Variants in ZNF362 observed in about 807,000 individuals in gnomAD.
The protein encoded by ZNF362 is rotund homolog.
Under a neutral mutation model 42.9 loss-of-function variants are expected in ZNF362, and 11 were observed. The observed-to-expected ratio is 0.26, with a 90% CI of 0.16 to 0.42. ZNF362 has a LOEUF of 0.42. Ranked by LOEUF, ZNF362 falls within the 20% of genes least tolerant of loss-of-function variation. The probability of loss-of-function intolerance (pLI) is 1.00; values close to 1 mark genes in which losing one functional copy is unlikely to be tolerated. For missense variants in ZNF362, 362 were observed against 576.2 expected, an observed-to-expected ratio of 0.63 and a Z score of 3.81; for synonymous variants, 255 against 257.3, an observed-to-expected ratio of 0.99 and a Z score of 0.09.
chr1:33,254,199 T>A (rs1390456350), upstream of ZNF362, among the ~76,000 whole-genome samples: 2 of 151,998 alleles, frequency 1.3e-5, no homozygotes, highest in African/African-American at 2.4e-5. Flanking sequence ...CAATCTCGGC[T>A]CACTGCAACT....
chr1:33,165,424 T>G, the ZNF362 span: 1 of 1,413,196 alleles, frequency 7.1e-7, no homozygotes, highest in Non-Finnish European at 9.7e-7. The surrounding 1 kb of genome is among the most constrained non-coding windows in gnomAD (Gnocchi z 4.0). Flanking sequence ...CTCGAAGCCC[T>G]GCCCTCATCT....
At chr1:33,165,698 G>T in the ZNF362 span, 1 of 668,360 alleles carries the variant, frequency 1.5e-6, no homozygotes, top group Non-Finnish European at 2.4e-6. The surrounding 1 kb of genome is among the most constrained non-coding windows in gnomAD (Gnocchi z 4.0). Context: ...TCCCGTCACA[G>T]TTCAACCACC....
chr1:33,247,993 G>A, the ZNF362 span, among the ~76,000 whole-genome samples: 3 of 152,238 alleles, frequency 2.0e-5, no homozygotes, highest in South Asian at 6.2e-4. Flanking sequence ...TATAGCAAAT[G>A]CTTGCTAATT....
the ZNF362 span, among the ~76,000 whole-genome samples, chr1:33,220,319 AT>A: frequency 2.6e-5 from 4 of 152,106 alleles, no homozygotes; most frequent in Non-Finnish European, 5.9e-5. Flanking sequence ...CTGTTTGTAG[AT>A]TGCTTACCAT....
chr1:33,139,126 T>C, the ZNF362 span, among the ~76,000 whole-genome samples: 1 of 152,178 alleles, frequency 6.6e-6, no homozygotes, highest in Admixed American at 6.5e-5. Context: ...TGTTATAATT[T>C]GTTAAAAAAG....
intron 8 of ZNF362, among the ~76,000 whole-genome samples, chr1:33,298,075 C>G (rs1646138211): frequency 6.6e-6 from 1 of 152,172 alleles, no homozygotes; most frequent in African/African-American, 2.4e-5. Flanking sequence ...GGAGTACCGC[C>G]TCTGCTTCTG....
the ZNF362 span, among the ~76,000 whole-genome samples, chr1:33,232,378 C>T: frequency 1.3e-5 from 2 of 152,118 alleles, no homozygotes; most frequent in African/African-American, 4.8e-5. Context: ...GATTCTCCTG[C>T]CTCAGCCACC....
At chr1:33,282,557 C>A (rs945562216) in intron 6 of ZNF362, among the ~76,000 whole-genome samples, 5 of 152,160 alleles carry the variant, frequency 3.3e-5, no homozygotes, top group Admixed American at 6.5e-5. Flanking sequence ...TGCGGTGGCT[C>A]ACACCTGTAA....
the ZNF362 span, chr1:33,145,947 T>G: frequency 2.1e-6 from 1 of 470,748 alleles, no homozygotes; most frequent in Non-Finnish European, 4.4e-6. Context: ...TGTAAAAATT[T>G]AGATTTGGGA....
chr1:33,258,599 G>A (rs1276536948), intron 1 of ZNF362, among the ~76,000 whole-genome samples: 1 of 152,074 alleles, frequency 6.6e-6, no homozygotes, highest in East Asian at 1.9e-4. Flanking sequence ...CTGAGACCGG[G>A]ACCTGGGTGT....
At chr1:33,201,340 A>G in the ZNF362 span, among the ~76,000 whole-genome samples, 12 of 152,238 alleles carry the variant, frequency 7.9e-5, no homozygotes, top group Admixed American at 5.2e-4. Context: ...CAAAGTACAC[A>G]TTAATTTCAG....
chr1:33,202,572 T>A, the ZNF362 span, among the ~76,000 whole-genome samples: 4 of 142,530 alleles, frequency 2.8e-5, no homozygotes, highest in Non-Finnish European at 1.5e-5. Flanking sequence ...CACTCCAGCC[T>A]GGGTGACAGA....
the ZNF362 span, among the ~76,000 whole-genome samples, chr1:33,179,553 A>G: frequency 6.6e-6 from 1 of 152,176 alleles, no homozygotes; most frequent in Non-Finnish European, 1.5e-5. Context: ...TTTGAGCCAA[A>G]AACCTTCTGC....
the ZNF362 span, among the ~76,000 whole-genome samples, chr1:33,133,770 C>T: frequency 0.021 from 3,166 of 152,298 alleles, 93 homozygotes; most frequent in African/African-American, 0.072. Context: ...TCCCACGACA[C>T]GGAGGAGGCA....
At chr1:33,199,191 C>T in the ZNF362 span, among the ~76,000 whole-genome samples, 1 of 151,962 alleles carries the variant, frequency 6.6e-6, no homozygotes. Flanking sequence ...AACCTAAACA[C>T]AAGAAACATA....
At chr1:33,206,802 C>T in the ZNF362 span, among the ~76,000 whole-genome samples, 1 of 152,066 alleles carries the variant, frequency 6.6e-6, no homozygotes, top group South Asian at 2.1e-4. Context: ...ATAATATATG[C>T]AGATGGAAAA....
At chr1:33,291,833 A>G (rs1252863911) in intron 6 of ZNF362, among the ~76,000 whole-genome samples, 4 of 152,180 alleles carry the variant, frequency 2.6e-5, no homozygotes, top group Admixed American at 6.5e-5. Context: ...CTTTGAAGCA[A>G]TTGTGAATGG....
chr1:33,293,712 AG>A (rs2148135825), intron 6 of ZNF362, among the ~76,000 whole-genome samples: 1 of 152,324 alleles, frequency 6.6e-6, no homozygotes, highest in South Asian at 2.1e-4. Flanking sequence ...TTGCCCAAAC[AG>A]ATGCTTGAAG....
intron 1 of ZNF362, among the ~76,000 whole-genome samples, chr1:33,257,241 G>C (rs1645799163): frequency 6.6e-6 from 1 of 152,060 alleles, no homozygotes; most frequent in African/African-American, 2.4e-5. Context: ...GGCACCCGAA[G>C]GGTTGGCTTT....
Sources: allele counts gnomAD v4.1 joint callset (sites outside exome capture counted in the v4.1 genomes callset), GRCh38; gene constraint gnomAD v4.1.1; non-coding constraint Gnocchi (gnomAD v3.1); transcripts MANE v1.5; gene names NCBI Gene and HGNC (gene_info 2026-07-23, HGNC 2026-07-21).